Variants in BACH1 observed in about 807,000 individuals in gnomAD.
BACH1 encodes the protein BTB domain and CNC homolog 1.
Under a neutral mutation model 52.9 loss-of-function variants are expected in BACH1, and 35 were observed. The ratio of observed to expected loss-of-function variants is 0.66; its 90% confidence interval spans 0.51 to 0.88. The LOEUF is 0.88. Ranked by LOEUF, BACH1 falls within the 40% of genes least tolerant of loss-of-function variation. The pLI is 0.00. For missense variants in BACH1, 808 were observed against 872.6 expected (o/e 0.93, Z 0.93); for synonymous variants, 321 against 319.6 (o/e 1.00, Z -0.05).
intron 4 of BACH1, among the ~76,000 whole-genome samples, chr21:29,339,935 C>G (rs1186539228): frequency 6.6e-6 from 1 of 152,188 alleles, no homozygotes; most frequent in Non-Finnish European, 1.5e-5. Flanking sequence ...TGTGCCCAGC[C>G]TGTAAAGATT....
intron 2 of BACH1, among the ~76,000 whole-genome samples, chr21:29,323,652 C>T (rs577429937): frequency 6.6e-6 from 1 of 152,296 alleles, no homozygotes; most frequent in East Asian, 1.9e-4. Context: ...GCAACGCCCT[C>T]ACTGACACAC....
At chr21:29,314,191 T>A (rs1207177579) in intron 1 of BACH1, among the ~76,000 whole-genome samples, 3 of 152,232 alleles carry the variant, frequency 2.0e-5, no homozygotes, top group Non-Finnish European at 4.4e-5. Flanking sequence ...TAAGAAGGTA[T>A]AACAGTGGAA....
intron 4 of BACH1, among the ~76,000 whole-genome samples, chr21:29,331,969 C>T (rs1369781644): frequency 2.0e-5 from 3 of 152,076 alleles, no homozygotes; most frequent in Non-Finnish European, 4.4e-5. Context: ...GGCATGATCT[C>T]GGCTCACTGC....
In BACH1 at chr21:29,326,427, C is replaced by T; in HGVS notation, c.603C>T (p.Asp201=). The T allele has an allele frequency of 6.2e-7, 1 of 1,614,240 alleles. No homozygotes were observed. Among genetic ancestry groups the T allele is most frequent in the Non-Finnish European group, 8.5e-7 (1 of 1,180,038 alleles). ...CAAAAGCCTCACCTCCTCTACAAGA[C>T]AGTGCCAGTCAGACATATGAGTCCA... ...GNAKASPPLQ[D]SASQTYESMC... The change falls in exon 3 of 5, where the codon GAC becomes GAT. Residue 201 remains aspartate (D), a synonymous_variant. Coordinates refer to ENST00000286800, the MANE Select transcript of BACH1 (RefSeq NM_001186.4).
chr21:29,310,860 C>G (rs1245701668), intron 1 of BACH1, among the ~76,000 whole-genome samples: 2 of 152,122 alleles, frequency 1.3e-5, no homozygotes, highest in Non-Finnish European at 2.9e-5. Context: ...AGGGAAGAGA[C>G]AGTGTGAGTA....
At position 29,344,407 on chromosome 21, in the gene BACH1, G is replaced by A. The variant is rs1000560643; in HGVS notation, c.*1574G>A. The A allele has an allele frequency of 2.0e-5, 3 of 152,670 alleles. No individual in the cohort carries two copies. The highest frequency in any genetic ancestry group is 7.2e-5 in the African/African-American group (3 of 41,458). 9.5% of individuals were successfully genotyped at this position (152,670 alleles called of 1,614,324 possible). On this transcript the variant is annotated 3_prime_UTR_variant, in exon 5 of 5. Coordinates refer to ENST00000286800, the MANE Select transcript of BACH1 (RefSeq NM_001186.4). ...TGCCCTTGAGAGTATATGGGGACCA[G>A]TCTTCATGTCTTGGAGTAATTTGTC... is the stretch of plus-strand genomic sequence containing the variant.
chr21:29,356,686 A>C (rs1359004673), intron 2 of BACH1, among the ~76,000 whole-genome samples: 1 of 152,276 alleles, frequency 6.6e-6, no homozygotes, highest in Non-Finnish European at 1.5e-5. Context: ...ATGGGTTGTC[A>C]GTGGCTTCAG....
At chr21:29,340,549 G>A (rs1254246899) in intron 4 of BACH1, among the ~76,000 whole-genome samples, 1 of 152,178 alleles carries the variant, frequency 6.6e-6, no homozygotes, top group Non-Finnish European at 1.5e-5. Context: ...TAATTTCTGG[G>A]AGGAAGCTCA....
At chr21:29,330,467 GC>G (rs1456757221) in intron 4 of BACH1, among the ~76,000 whole-genome samples, 1 of 152,140 alleles carries the variant, frequency 6.6e-6, no homozygotes, top group African/African-American at 2.4e-5. Flanking sequence ...GAGCCACCGT[GC>G]CTGGCCTGAA....
At chr21:29,299,251 G>C (rs1175987597) in intron 1 of BACH1, among the ~76,000 whole-genome samples, 3 of 151,822 alleles carry the variant, frequency 2.0e-5, no homozygotes, top group Non-Finnish European at 2.9e-5. Flanking sequence ...CGGGGCGGGC[G>C]GGGGCTGGGG....
intron 2 of BACH1, among the ~76,000 whole-genome samples, chr21:29,359,685 A>C (rs1472889490): frequency 2.0e-5 from 3 of 152,042 alleles, no homozygotes; most frequent in Admixed American, 1.3e-4. Flanking sequence ...TTTTATTCCT[A>C]AATAAAATAA....
rs552524559 is a variant in BACH1, at chr21:29,336,871, C to T, written c.1777-5528C>T. 3.5e-4 allele frequency among the ~76,000 whole-genome samples: 54 copies of T among 152,156 alleles called. 1 individual carries two copies. The South Asian group carries it at 3.9e-3, about 11-fold the overall frequency. On this transcript the variant is annotated intron_variant, in intron 4 of 4. Transcript: ENST00000286800. ...ATTTTTAGAAGTGATGGGTTTTCAT[C>T]GTGTTGGCCAGCCTGGTCTCGAACA...
intron 1 of BACH1, among the ~76,000 whole-genome samples, chr21:29,307,577 A>C (rs1167592267): frequency 1.3e-5 from 2 of 152,236 alleles, no homozygotes; most frequent in East Asian, 1.9e-4. Context: ...GACAAACATC[A>C]CATTCACATA....
chr21:29,310,626 G>T (rs933251359), intron 1 of BACH1, among the ~76,000 whole-genome samples: 1 of 152,258 alleles, frequency 6.6e-6, no homozygotes, highest in African/African-American at 2.4e-5. Context: ...CCTAGGGAGT[G>T]TGTGCAAAGA....
At chr21:29,359,988 C>T (rs1004188361) in intron 2 of BACH1, among the ~76,000 whole-genome samples, 1 of 152,066 alleles carries the variant, frequency 6.6e-6, no homozygotes, top group African/African-American at 2.4e-5. Context: ...AGTGACTATT[C>T]CTCTATTCAT....
intron 3 of BACH1, among the ~76,000 whole-genome samples, chr21:29,328,799 A>G (rs987778097): frequency 2.0e-5 from 3 of 151,954 alleles, no homozygotes; most frequent in Non-Finnish European, 4.4e-5. Flanking sequence ...ATCATGTTGG[A>G]TTTACTCTCC....
Position 29,320,337 on chromosome 21 carries a change from CTG to C in BACH1, c.-60-880_-60-879del, listed in dbSNP as rs369093076. 4.7e-4 allele frequency among the ~76,000 whole-genome samples: 72 copies of C among 152,248 alleles called. 1 individual carries two copies. In the East Asian group the frequency reaches 0.012, roughly 24 times the overall value. ...TCTTTTAACCTGTTACTTTGAACTT[CTG>C]TGTTTCTCAGAACATATATATCAGA... On this transcript the variant is annotated intron_variant, in intron 1 of 4. Coordinates refer to ENST00000286800, the MANE Select transcript of BACH1 (RefSeq NM_001186.4).
chr21:29,343,054 A>C lies in BACH1; in HGVS notation c.*221A>C, dbSNP rs2089133978. On this transcript the variant is annotated 3_prime_UTR_variant, in exon 5 of 5. Transcript: ENST00000286800. ...GGATATCAGAAAAATCCATGTGAAA[A>C]TGTAGTAAACCTTTAAAACTCATGT... is the stretch of plus-strand genomic sequence containing the variant. 1 of 449,610 alleles carries C rather than the reference A, an allele frequency of 2.2e-6. No homozygotes were observed. The highest frequency in any genetic ancestry group is 3.9e-6 in the Non-Finnish European group (1 of 255,730). The allele number at this position is 449,610 out of a possible 1,614,324, so 27.9% of individuals were successfully genotyped here.
At chr21:29,348,701 C>G (rs1000386626), downstream of BACH1, among the ~76,000 whole-genome samples, 6 of 152,116 alleles carry the variant, frequency 3.9e-5, no homozygotes, top group Admixed American at 3.3e-4. Flanking sequence ...TCTAGGGGCT[C>G]TGAGCCAACA....
Sources: gnomAD v4.1 joint callset for allele counts (sites outside exome capture counted in the v4.1 genomes callset) on GRCh38, gnomAD v4.1.1 for gene constraint, MANE v1.5 for transcripts, NCBI Gene and HGNC (gene_info 2026-07-23, HGNC 2026-07-21) for gene names.